GPATCH2L: variants seen among roughly 807,000 people sequenced by gnomAD.
GPATCH2L encodes G patch domain-containing protein 2-like.
In GPATCH2L, 31 loss-of-function variants were observed where a neutral mutation model predicts 57.4. The ratio of observed to expected loss-of-function variants is 0.54; its 90% CI spans 0.41 to 0.73. The LOEUF is 0.73. Ranked by LOEUF, GPATCH2L falls within the 30% of genes least tolerant of loss-of-function variation. The pLI is 0.00. For synonymous variants in GPATCH2L, 199 were observed against 210.7 expected (o/e 0.94, Z 0.48); for missense variants, 481 against 599.9 (o/e 0.80, Z 2.07).
chr14:76,217,620 A>G (rs2040495663), downstream of GPATCH2L, among the ~76,000 whole-genome samples: 1 of 152,106 alleles, frequency 6.6e-6, no homozygotes, highest in African/African-American at 2.4e-5. Flanking sequence ...GCATGCATAT[A>G]CACAGTAAGC....
rs74067642 is a variant in GPATCH2L, at chr14:76,196,010, G to A, written c.1288+38G>A. On this transcript the variant is annotated intron_variant, in intron 9 of 9. Coordinates refer to ENST00000261530, the MANE Select transcript of GPATCH2L (RefSeq NM_017926.4). Reference sequence around the variant, plus strand: ...AGTTATCATTTATTGAGCATGTACCGTGTGCCAGGCACTAAATTATGTGTT... The same window carrying A: ...AGTTATCATTTATTGAGCATGTACCATGTGCCAGGCACTAAATTATGTGTT... 5,206 of 1,406,168 alleles carry A rather than the reference G, an allele frequency of 3.7e-3. 144 individuals carry two copies. In the African/African-American group the frequency reaches 0.066, roughly 18 times the overall value. The allele number at this position is 1,406,168 out of a possible 1,614,324, so 87.1% of individuals were successfully genotyped here.
At chr14:76,178,326 G>A in intron 7 of GPATCH2L, 1 of 1,224,372 alleles carries the variant, frequency 8.2e-7, no homozygotes, top group Admixed American at 2.4e-5. Flanking sequence ...GCAGAAGGTA[G>A]AGCTGCTTTG....
At chr14:76,231,557 A>C (rs8015695) in intron 2 of GPATCH2L, among the ~76,000 whole-genome samples, 1 of 151,452 alleles carries the variant, frequency 6.6e-6, no homozygotes, top group Non-Finnish European at 1.5e-5. Context: ...GTTTCTAGTC[A>C]TGAACCATCT....
Position 76,201,957 on chromosome 14 carries a change from C to A in GPATCH2L, c.*106C>A. 1 of 891,686 alleles carries A rather than the reference C, an allele frequency of 1.1e-6. No homozygotes were observed. Among genetic ancestry groups the A allele is most frequent in the South Asian group, 1.9e-5 (1 of 51,944 alleles). The allele number at this position is 891,686 out of a possible 1,614,324, so 55.2% of individuals were successfully genotyped here. On this transcript the variant is annotated 3_prime_UTR_variant, in exon 10 of 10. Transcript: ENST00000261530. Reference sequence around the variant, plus strand: ...TCTTAATCGACATTCCCAGTCCTTTCACCACCAGAACCAACTCCTCTTTCA... The same window carrying A: ...TCTTAATCGACATTCCCAGTCCTTTAACCACCAGAACCAACTCCTCTTTCA...
chr14:76,209,048 C>A lies in GPATCH2L; in HGVS notation c.*7197C>A, dbSNP rs1032158574. 94 of 152,184 alleles carry A rather than the reference C, an allele frequency of 6.2e-4. 1 individual carries two copies. Among genetic ancestry groups the A allele is most frequent in the African/African-American group, 2.1e-3 (89 of 41,428 alleles). The allele number at this position is 152,184 out of a possible 1,614,324, so 9.4% of individuals were successfully genotyped here. On this transcript the variant is annotated 3_prime_UTR_variant, in exon 10 of 10. Transcript: ENST00000261530. ...TTAAAACTGTTCTTGCTGGATTCACCCACCAGTGACTTCTACTATTAAAAT... is the reference window on the plus strand; with the variant it reads ...TTAAAACTGTTCTTGCTGGATTCACACACCAGTGACTTCTACTATTAAAAT...
intron 1 of GPATCH2L, among the ~76,000 whole-genome samples, chr14:76,223,964 A>G (rs373382349): frequency 6.1e-4 from 93 of 152,378 alleles, no homozygotes; most frequent in African/African-American, 2.2e-3. Context: ...CTTATTTACA[A>G]TAAACTAAAA....
chr14:76,152,716 G>A (rs1472524268), intron 1 of GPATCH2L: 1 of 456,118 alleles, frequency 2.2e-6, no homozygotes, highest in East Asian at 6.9e-5. Flanking sequence ...GCATTCGACT[G>A]CAAGTTGTTT....
rs111688122 is a variant in GPATCH2L, at chr14:76,223,778, G to T, written c.66-6030G>T. ...AATTTAAAAATGGGCAAAAAGACTCGAGTAAGCATTTCTCCAGAGAAGATG... is the reference window on the plus strand; with the variant it reads ...AATTTAAAAATGGGCAAAAAGACTCTAGTAAGCATTTCTCCAGAGAAGATG... On this transcript the variant is annotated intron_variant and NMD_transcript_variant, in intron 1 of 3. Coordinates refer to the GPATCH2L transcript ENST00000556372. Among the ~76,000 whole-genome samples, 792 of 152,194 alleles carry T rather than the reference G, an allele frequency of 5.2e-3. 7 individuals carry two copies. Among genetic ancestry groups the T allele is most frequent in the African/African-American group, 0.018 (739 of 41,534 alleles).
At chr14:76,155,627 A>G (rs894645473) in intron 2 of GPATCH2L, among the ~76,000 whole-genome samples, 1 of 152,234 alleles carries the variant, frequency 6.6e-6, no homozygotes. Context: ...AGATGTGATC[A>G]AGCCAGAAAA....
Position 76,211,855 on chromosome 14 carries a change from A to G in GPATCH2L, c.*10004A>G, listed in dbSNP as rs538868152. ...AGTTAGCTAAATCTTTTGAAACTGC[A>G]TAAAAGTGAAATAATTATGAGTTTT... On this transcript the variant is annotated 3_prime_UTR_variant, in exon 10 of 10. Transcript: ENST00000261530. 2.0e-5 allele frequency: 3 copies of G among 152,324 alleles called. No individual in the cohort carries two copies. The East Asian group carries it at 5.8e-4, about 29-fold the overall frequency. 9.4% of individuals were successfully genotyped at this position (152,324 alleles called of 1,614,324 possible).
intron 2 of GPATCH2L, among the ~76,000 whole-genome samples, chr14:76,233,188 C>T (rs893928446): frequency 2.0e-5 from 3 of 152,106 alleles, no homozygotes; most frequent in African/African-American, 7.2e-5. Flanking sequence ...ATTATTGGAG[C>T]GAAGGATATA....
intron 9 of GPATCH2L, among the ~76,000 whole-genome samples, chr14:76,198,844 C>T (rs1452418984): frequency 6.6e-6 from 1 of 152,102 alleles, no homozygotes; most frequent in African/African-American, 2.4e-5. Context: ...GAATACCTAG[C>T]CCATAGAATA....
chr14:76,158,200 G>A (rs1438279464), intron 2 of GPATCH2L, among the ~76,000 whole-genome samples: 2 of 152,010 alleles, frequency 1.3e-5, no homozygotes, highest in Non-Finnish European at 2.9e-5. Context: ...CTAAGGTGAT[G>A]TATTAGAGGC....
intron 8 of GPATCH2L, among the ~76,000 whole-genome samples, chr14:76,194,912 T>C (rs2040099785): frequency 6.6e-6 from 1 of 152,082 alleles, no homozygotes; most frequent in African/African-American, 2.4e-5. Context: ...TGGTAGATCA[T>C]TGGAAAATTA....
intron 2 of GPATCH2L, 93 bp downstream of exon 2, chr14:76,155,118 C>A: frequency 1.0e-6 from 1 of 981,898 alleles, no homozygotes; most frequent in Non-Finnish European, 1.5e-6. Flanking sequence ...TTCTTTCAAA[C>A]CAGCCACTCT....
chr14:76,155,169 T>G, intron 2 of GPATCH2L, 144 bp downstream of exon 2: 1 of 646,304 alleles, frequency 1.5e-6, no homozygotes, highest in Non-Finnish European at 2.6e-6. Flanking sequence ...ATCAGTAGTT[T>G]AGCTTTTTAA....
intron 9 of GPATCH2L, among the ~76,000 whole-genome samples, chr14:76,200,705 G>A (rs998751591): frequency 1.3e-5 from 2 of 152,008 alleles, no homozygotes; most frequent in African/African-American, 2.4e-5. Flanking sequence ...GGTACATGCC[G>A]ATACTTTCTA....
Position 76,154,828 on chromosome 14 carries a change from G to T in GPATCH2L, c.465G>T (p.Glu155Asp). The change falls in exon 2 of 10, where the codon GAG (glutamate) becomes GAT (aspartate). Residue 155 changes from glutamate to aspartate, a missense_variant. Glu to Asp is a conservative substitution (Grantham distance 45, BLOSUM62 2). Around this residue, in one of 3 missense-constraint regions of GPATCH2L, gnomAD observed 208 missense variants for 272.4 expected, o/e 0.76. Coordinates refer to ENST00000261530, the MANE Select transcript of GPATCH2L (RefSeq NM_017926.4). The surrounding 1 kb of genome is among the most constrained non-coding windows in gnomAD (Gnocchi z 4.4). ...QKLKVSDWSY[E>D]RGCRFKSAKK... ...TGAAGGTGTCAGATTGGAGCTATGA[G>T]AGAGGCTGCAGGTTCAAGTCTGCTA... The T allele has an allele frequency of 6.2e-7, 1 of 1,614,224 alleles. No homozygotes were observed. Among genetic ancestry groups the T allele is most frequent in the Non-Finnish European group, 8.5e-7 (1 of 1,180,022 alleles).
intron 8 of GPATCH2L, 86 bp from the exon 9 acceptor site, chr14:76,195,792 G>A (rs2040129414): frequency 1.0e-6 from 1 of 997,002 alleles, no homozygotes; most frequent in Non-Finnish European, 1.6e-6. Context: ...TCTGTAATAG[G>A]TTAAGGATTT....
Sources: gnomAD v4.1 joint callset for allele counts (sites outside exome capture counted in the v4.1 genomes callset) on GRCh38, gnomAD v4.1.1 for gene constraint, gnomAD v4.1.1 regional missense constraint, Gnocchi (gnomAD v3.1) non-coding constraint, MANE v1.5 for transcripts, NCBI Gene and HGNC (gene_info 2026-07-23, HGNC 2026-07-21) for gene names.